TET3: variants seen among roughly 807,000 people sequenced by gnomAD.
The protein encoded by TET3 is tet methylcytosine dioxygenase 3.
In TET3, 19 loss-of-function variants were observed where a neutral mutation model predicts 141.4. The observed-to-expected ratio is 0.13, with a 90% CI of 0.09 to 0.20. The LOEUF is 0.20. TET3 is among the 10% of genes least tolerant of loss of function. TET3 has a pLI of 1.00. For synonymous variants in TET3, 1,043 were observed against 980.9 expected, an observed-to-expected ratio of 1.06 and a Z score of -1.18; for missense variants, 1,874 against 2,356.9, an observed-to-expected ratio of 0.80 and a Z score of 4.24.
intron 3 of TET3, among the ~76,000 whole-genome samples, chr2:74,019,775 A>G (rs6745776): frequency 0.068 from 10,373 of 152,232 alleles, 411 homozygotes; most frequent in Middle Eastern, 0.1. Flanking sequence ...TTGTCCCCGC[A>G]GGAAAAAGGA....
At chr2:74,065,612 G>GTCCGTCCGTCCT (rs1688843611) in intron 4 of TET3, among the ~76,000 whole-genome samples, 1 of 133,450 alleles carries the variant, frequency 7.5e-6, no homozygotes, top group Admixed American at 7.5e-5. Context: ...CCGTCCGTCC[G>GTCCGTCCGTCCT]TCCGTCCGTC....
Position 74,105,503 on chromosome 2 carries a change from G to A in TET3, c.*3327G>A. The A allele has an allele frequency of 5.0e-6, 2 of 398,116 alleles. No individual in the cohort carries two copies. The highest frequency in any genetic ancestry group is 4.4e-6 in the Non-Finnish European group (1 of 225,964). The allele number at this position is 398,116 out of a possible 1,614,324, so 24.7% of individuals were successfully genotyped here. On this transcript the variant is annotated 3_prime_UTR_variant, in exon 12 of 12. Transcript: ENST00000409262. Reference sequence around the variant, plus strand: ...GTTGCATGGATTTGGGGGTCTTTCGGTTTTTGGTTTTGGGTCTGGCTTTTA... The same window carrying A: ...GTTGCATGGATTTGGGGGTCTTTCGATTTTTGGTTTTGGGTCTGGCTTTTA...
chr2:74,068,301 G>A (rs187478105), intron 4 of TET3, among the ~76,000 whole-genome samples: 5 of 151,562 alleles, frequency 3.3e-5, no homozygotes, highest in East Asian at 1.9e-4. Context: ...ATGCTTGTAC[G>A]TGTGTGTATG....
At chr2:74,054,901 T>G (rs1173992421) in intron 4 of TET3, among the ~76,000 whole-genome samples, 1 of 152,052 alleles carries the variant, frequency 6.6e-6, no homozygotes, top group Non-Finnish European at 1.5e-5. Context: ...TTGTTGTTGT[T>G]GTTGTTGTTT....
intron 2 of TET3, among the ~76,000 whole-genome samples, chr2:74,002,506 G>A (rs2105140723): frequency 6.6e-6 from 1 of 152,064 alleles, no homozygotes; most frequent in Admixed American, 6.5e-5. Flanking sequence ...GCCCTGGGAT[G>A]CCCCAGCCTG....
chr2:74,033,637 T>C (rs1686871763), intron 3 of TET3, among the ~76,000 whole-genome samples: 1 of 152,186 alleles, frequency 6.6e-6, no homozygotes, highest in African/African-American at 2.4e-5. Context: ...AACTTTTTGG[T>C]TTCCCAGTGC....
chr2:73,997,352 G>A (rs190706750), intron 2 of TET3, among the ~76,000 whole-genome samples: 31 of 152,274 alleles, frequency 2.0e-4, no homozygotes, highest in Admixed American at 1.9e-3. Flanking sequence ...TTGATCTGCC[G>A]TTTAAGGTAA....
chr2:73,989,326 C>T (rs1054552282), intron 2 of TET3, among the ~76,000 whole-genome samples: 6 of 152,164 alleles, frequency 3.9e-5, no homozygotes, highest in African/African-American at 1.4e-4. Context: ...TACCTGCATT[C>T]CTGCTGTGTG....
At chr2:74,085,885 G>A (rs1342149270) in intron 6 of TET3, among the ~76,000 whole-genome samples, 1 of 152,206 alleles carries the variant, frequency 6.6e-6, no homozygotes, top group East Asian at 1.9e-4. Context: ...ACAAAGTGTG[G>A]AAGTCACTCA....
chr2:74,047,062 G>C lies in TET3; in HGVS notation c.1145G>C (p.Cys382Ser). 1.2e-6 allele frequency: 2 copies of C among 1,613,690 alleles called. No homozygotes were observed. The highest frequency in any genetic ancestry group is 1.7e-6 in the Non-Finnish European group (2 of 1,179,806). The change falls in exon 4 of 12, where the codon TGC becomes TCC. Residue 382 changes from cysteine to serine, a missense_variant. Cys to Ser is a moderately radical substitution (Grantham distance 112). Coordinates refer to ENST00000409262, the MANE Select transcript of TET3 (RefSeq NM_001287491.2). Reference protein sequence around the residue: ...QPSHSTPQASCPLPEALSPPA... With the variant: ...QPSHSTPQASSPLPEALSPPA... ...TCTCATTCCACCCCCCAGGCTTCTTGCCCCCTTCCTGAGGCCTTGTCACCT... is the reference window on the plus strand; with the variant it reads ...TCTCATTCCACCCCCCAGGCTTCTTCCCCCCTTCCTGAGGCCTTGTCACCT...
At chr2:74,135,468 A>G in the TET3 span, 3 of 1,364,248 alleles carry the variant, frequency 2.2e-6, no homozygotes, top group African/African-American at 4.4e-5. Context: ...CATCTTCTAT[A>G]ATTATAATAT....
chr2:74,003,195 T>C (rs1684956903), intron 3 of TET3, 29 bp downstream of exon 3: 2 of 1,547,158 alleles, frequency 1.3e-6, no homozygotes, highest in African/African-American at 1.4e-5. Flanking sequence ...TGCGTGTGTG[T>C]GCGTGTGTGT....
intron 2 of TET3, 111 bp from the exon 3 acceptor site, chr2:74,002,999 C>G (rs1290714152): frequency 1.2e-5 from 14 of 1,147,200 alleles, no homozygotes; most frequent in Non-Finnish European, 1.8e-5. Context: ...AGGCTGTATC[C>G]CCTCCCGTTC....
At chr2:74,113,701 GC>G in the TET3 span, among the ~76,000 whole-genome samples, 1 of 151,844 alleles carries the variant, frequency 6.6e-6, no homozygotes, top group Non-Finnish European at 1.5e-5. Flanking sequence ...ATTTACAGTA[GC>G]TACCAAAAAA....
chr2:73,984,736 C>A (rs965437462), upstream of TET3, among the ~76,000 whole-genome samples: 1 of 150,104 alleles, frequency 6.7e-6, no homozygotes, highest in Non-Finnish European at 1.5e-5. The surrounding 1 kb of genome is among the most constrained non-coding windows in gnomAD (Gnocchi z 5.6). Flanking sequence ...CCGGAGCCTG[C>A]CCCAAGCCGC....
chr2:74,021,512 GTCCCTGGTCAGCCTGTAAGAACC>G (rs1405162841), intron 3 of TET3, among the ~76,000 whole-genome samples: 1 of 152,226 alleles, frequency 6.6e-6, no homozygotes, highest in East Asian at 1.9e-4. Context: ...AGAGACTACT[GTCCCTGGTCAGCCTGTAAGAACC>G]TCAGTTCACC....
the TET3 span, among the ~76,000 whole-genome samples, chr2:74,132,761 AGT>A: frequency 6.6e-6 from 1 of 152,218 alleles, no homozygotes; most frequent in Non-Finnish European, 1.5e-5. Context: ...GCCAATCTAG[AGT>A]GAGAGATAAT....
At chr2:74,116,530 T>C in the TET3 span, among the ~76,000 whole-genome samples, 1 of 151,240 alleles carries the variant, frequency 6.6e-6, no homozygotes, top group Non-Finnish European at 1.5e-5. Context: ...ATGCAAAAAA[T>C]TAGCTGGGTG....
chr2:74,126,037 C>T, the TET3 span, among the ~76,000 whole-genome samples: 89 of 152,274 alleles, frequency 5.8e-4, no homozygotes, highest in African/African-American at 1.9e-3. Flanking sequence ...GGGATTCTCA[C>T]CCTTTTTGAG....
Sources: gnomAD v4.1 joint callset for allele counts (sites outside exome capture counted in the v4.1 genomes callset) on GRCh38, gnomAD v4.1.1 for gene constraint, Gnocchi (gnomAD v3.1) non-coding constraint, MANE v1.5 for transcripts, NCBI Gene and HGNC (gene_info 2026-07-23, HGNC 2026-07-21) for gene names.